Variants in CRYBG1 observed in about 807,000 individuals in gnomAD.
The protein encoded by CRYBG1 is crystallin beta-gamma domain containing 1, also known as beta/gamma crystallin domain-containing protein 1.
In CRYBG1, 139 loss-of-function variants were observed where a neutral mutation model predicts 189.2. The observed-to-expected ratio is 0.73, with a 90% confidence interval of 0.64 to 0.85. CRYBG1 has a LOEUF of 0.85. Ranked by LOEUF, CRYBG1 falls within the 40% of genes least tolerant of loss-of-function variation. The pLI is 0.00. For missense variants in CRYBG1, 2,611 were observed against 2,675.8 expected (o/e 0.98, Z 0.53); for synonymous variants, 1,023 against 1,017.1 (o/e 1.01, Z -0.11).
At chr6:106,542,221 GA>G (rs1218890968) in intron 10 of CRYBG1, among the ~76,000 whole-genome samples, 160 of 121,520 alleles carry the variant, frequency 1.3e-3, no homozygotes, top group African/African-American at 4.6e-3. Flanking sequence ...CCACATTAGG[GA>G]AAAAAAAAAG....
intron 1 of CRYBG1, among the ~76,000 whole-genome samples, chr6:106,419,158 C>T (rs1381051352): frequency 1.3e-5 from 2 of 152,206 alleles, no homozygotes; most frequent in African/African-American, 4.8e-5. Flanking sequence ...GAAACAGCTG[C>T]TGGCATTCAC....
chr6:106,470,090 C>T (rs1772199745), intron 2 of CRYBG1, among the ~76,000 whole-genome samples: 1 of 152,196 alleles, frequency 6.6e-6, no homozygotes, highest in Non-Finnish European at 1.5e-5. Context: ...GGTGTAGGTG[C>T]AGTCACTCCT....
chr6:106,535,121 A>G (rs1773970186), intron 8 of CRYBG1, among the ~76,000 whole-genome samples: 1 of 152,212 alleles, frequency 6.6e-6, no homozygotes, highest in Admixed American at 6.5e-5. Context: ...AAGCCCAATA[A>G]TAAAACAATC....
intron 2 of CRYBG1, 133 bp downstream of exon 2, chr6:106,451,965 TC>T: frequency 2.0e-5 from 8 of 396,646 alleles, no homozygotes; most frequent in Non-Finnish European, 3.1e-5. Context: ...ATTATATATA[TC>T]ATATGTAATA....
At chr6:106,487,177 A>G (rs145783254) in intron 2 of CRYBG1, among the ~76,000 whole-genome samples, 2 of 152,316 alleles carry the variant, frequency 1.3e-5, no homozygotes, top group African/African-American at 4.8e-5. Flanking sequence ...CTTTGGTTCC[A>G]TACAAATACT....
At chr6:106,363,921 G>GTCA (rs569724801) in intron 1 of CRYBG1, among the ~76,000 whole-genome samples, 4,956 of 151,888 alleles carry the variant, frequency 0.033, 171 homozygotes, top group East Asian at 0.15. Context: ...AAGCATCCTG[G>GTCA]TCATCATCAT....
intron 2 of CRYBG1, among the ~76,000 whole-genome samples, chr6:106,483,816 C>T (rs1034458321): frequency 6.6e-6 from 1 of 152,102 alleles, no homozygotes; most frequent in Non-Finnish European, 1.5e-5. Context: ...TGTATGTCTT[C>T]TTTTGAGAAA....
At chr6:106,392,773 A>ATT (rs34775347) in intron 1 of CRYBG1, among the ~76,000 whole-genome samples, 21 of 151,026 alleles carry the variant, frequency 1.4e-4, no homozygotes, top group African/African-American at 1.9e-4. Flanking sequence ...AAGAGAAATA[A>ATT]TTTTTTTTTT....
intron 1 of CRYBG1, among the ~76,000 whole-genome samples, chr6:106,425,624 T>C (rs1771211057): frequency 6.6e-6 from 1 of 152,204 alleles, no homozygotes; most frequent in African/African-American, 2.4e-5. Context: ...TTGACTGGTT[T>C]CACTTTATCT....
At chr6:106,463,252 A>C (rs1467358858) in intron 2 of CRYBG1, among the ~76,000 whole-genome samples, 1 of 149,256 alleles carries the variant, frequency 6.7e-6, no homozygotes, top group South Asian at 2.1e-4. Flanking sequence ...AAAAAAAAAA[A>C]CAACAACTTC....
intron 2 of CRYBG1, among the ~76,000 whole-genome samples, chr6:106,464,111 A>T (rs964134): frequency 0.81 from 122,739 of 152,122 alleles, 49,610 homozygotes; most frequent in East Asian, 0.97. Context: ...ACAACCAGCA[A>T]GAGCAGCTGC....
intron 20 of CRYBG1, among the ~76,000 whole-genome samples, chr6:106,562,696 C>T (rs1774758518): frequency 6.6e-6 from 1 of 152,204 alleles, no homozygotes; most frequent in Admixed American, 6.5e-5. Context: ...ACCATGTTGG[C>T]CAGGATGGTC....
chr6:106,499,147 TG>T (rs368512922), intron 2 of CRYBG1, among the ~76,000 whole-genome samples: 7,022 of 100,530 alleles, frequency 0.07, 282 homozygotes, highest in African/African-American at 0.13. Context: ...TTTGTTTGTT[TG>T]TTTGTTTGTT....
At chr6:106,538,041 C>T (rs1774045161) in intron 8 of CRYBG1, among the ~76,000 whole-genome samples, 1 of 152,158 alleles carries the variant, frequency 6.6e-6, no homozygotes, top group African/African-American at 2.4e-5. Context: ...CATTTACAGC[C>T]ACTCTCTTCT....
intron 1 of CRYBG1, among the ~76,000 whole-genome samples, chr6:106,448,813 T>C (rs1771721098): frequency 6.6e-6 from 1 of 152,164 alleles, no homozygotes; most frequent in African/African-American, 2.4e-5. Flanking sequence ...GGTCTCAGCC[T>C]CAAAGGGTTG....
At chr6:106,367,584 T>A (rs79083789) in intron 1 of CRYBG1, among the ~76,000 whole-genome samples, 10 of 103,396 alleles carry the variant, frequency 9.7e-5, no homozygotes, top group Admixed American at 5.8e-4. Context: ...AGACTCTGTC[T>A]AAAAAAAAAA....
chr6:106,537,373 A>C (rs1774028845), intron 8 of CRYBG1, among the ~76,000 whole-genome samples: 1 of 152,232 alleles, frequency 6.6e-6, no homozygotes, highest in African/African-American at 2.4e-5. Context: ...AATGTGTTAC[A>C]GAACTGCCAT....
chr6:106,489,482 A>G (rs1442223466), intron 2 of CRYBG1, among the ~76,000 whole-genome samples: 1 of 152,098 alleles, frequency 6.6e-6, no homozygotes, highest in Non-Finnish European at 1.5e-5. Flanking sequence ...TATAATATAT[A>G]GGAAAAGATA....
intron 2 of CRYBG1, among the ~76,000 whole-genome samples, chr6:106,461,320 A>G (rs77823064): frequency 0.027 from 4,121 of 152,268 alleles, 202 homozygotes; most frequent in African/African-American, 0.094. Flanking sequence ...GCAAATACAA[A>G]GCTTTATATA....
Sources: gnomAD v4.1 joint callset for allele counts (sites outside exome capture counted in the v4.1 genomes callset) on GRCh38, gnomAD v4.1.1 for gene constraint, MANE v1.5 for transcripts, NCBI Gene and HGNC (gene_info 2026-07-23, HGNC 2026-07-21) for gene names.